The following TMTC2 variants were observed in gnomAD, a reference collection of about 807,000 sequenced individuals.
The protein encoded by TMTC2 is transmembrane O-mannosyltransferase targeting cadherins 2.
A neutral mutation model predicts 82.4 loss-of-function variants in TMTC2; 43 were observed. That is an observed-to-expected ratio of 0.52 (90% CI 0.41 to 0.67). The LOEUF is 0.67. Ranked by LOEUF, TMTC2 falls within the 30% of genes least tolerant of loss-of-function variation. TMTC2 has a pLI of 0.00. For synonymous variants in TMTC2, 408 were observed against 381.9 expected, an observed-to-expected ratio of 1.07 and a Z score of -0.80; for missense variants, 919 against 1,012.4, an observed-to-expected ratio of 0.91 and a Z score of 1.25.
rs912768921 is a variant in TMTC2, at chr12:82,930,295, A to C, written c.1484-136A>C. Reference sequence around the variant, plus strand: ...CTGGCCTGATGAAATGTTAGAGTATAAAGGAAATACATTTTCCTTCTTAAA... The same window carrying C: ...CTGGCCTGATGAAATGTTAGAGTATCAAGGAAATACATTTTCCTTCTTAAA... On this transcript the variant is annotated intron_variant, in intron 3 of 11. Transcript: ENST00000321196. The C allele has an allele frequency of 1.1e-5, 6 of 532,670 alleles. No individual in the cohort carries two copies. In the African/African-American group the frequency reaches 1.1e-4, roughly 10 times the overall value. 33.0% of individuals were successfully genotyped at this position (532,670 alleles called of 1,614,324 possible).
Position 82,834,209 on chromosome 12 carries a change from A to G in TMTC2, c.84-22801A>G, listed in dbSNP as rs184572844. Among the ~76,000 whole-genome samples, 57 of 152,358 alleles carry G rather than the reference A, an allele frequency of 3.7e-4. No individual in the cohort carries two copies. The Middle Eastern group carries it at 0.02, about 55-fold the overall frequency. On this transcript the variant is annotated intron_variant, in intron 1 of 11. Transcript: ENST00000321196. ...GACATTAATTAGTAATACAATTGTTACATGAATGTGGCAGATATCATGGAC... is the reference window on the plus strand; with the variant it reads ...GACATTAATTAGTAATACAATTGTTGCATGAATGTGGCAGATATCATGGAC...
intron 11 of TMTC2, among the ~76,000 whole-genome samples, chr12:83,117,502 T>G (rs1324702652): frequency 6.6e-6 from 1 of 152,036 alleles, no homozygotes; most frequent in Non-Finnish European, 1.5e-5. Context: ...TTATTCTGTT[T>G]CATTGATCTA....
chr12:82,770,755 C>A (rs1877250111), intron 1 of TMTC2, among the ~76,000 whole-genome samples: 1 of 152,190 alleles, frequency 6.6e-6, no homozygotes, highest in African/African-American at 2.4e-5. Context: ...TGGAGTTGCT[C>A]GGATTACACG....
chr12:83,045,476 A>G (rs1882054949), intron 9 of TMTC2, among the ~76,000 whole-genome samples: 1 of 152,192 alleles, frequency 6.6e-6, no homozygotes, highest in Admixed American at 6.5e-5. Flanking sequence ...TTTGCTGTAT[A>G]TGAAAAAGAA....
intron 4 of TMTC2, among the ~76,000 whole-genome samples, chr12:82,940,857 T>C (rs893310050): frequency 2.0e-5 from 3 of 152,142 alleles, no homozygotes; most frequent in Non-Finnish European, 2.9e-5. Flanking sequence ...AAGCCACTAA[T>C]ACTTGGCTCT....
intron 1 of TMTC2, among the ~76,000 whole-genome samples, chr12:82,763,917 A>G (rs1012823653): frequency 6.6e-6 from 1 of 152,218 alleles, no homozygotes; most frequent in Non-Finnish European, 1.5e-5. Context: ...CAGCTTAAAA[A>G]AAGAAAACCA....
chr12:82,768,246 G>A (rs1877085922), intron 1 of TMTC2, among the ~76,000 whole-genome samples: 2 of 152,216 alleles, frequency 1.3e-5, no homozygotes, highest in Admixed American at 1.3e-4. Flanking sequence ...CACTCCCTCT[G>A]CAGTTGCATC....
chr12:82,959,193 A>G (rs138248913), intron 4 of TMTC2, among the ~76,000 whole-genome samples: 1 of 152,324 alleles, frequency 6.6e-6, no homozygotes, highest in African/African-American at 2.4e-5. Context: ...CAAACTATGG[A>G]AAAACATTCC....
At chr12:83,009,143 T>C (rs1430973740) in intron 8 of TMTC2, among the ~76,000 whole-genome samples, 2 of 152,154 alleles carry the variant, frequency 1.3e-5, no homozygotes, top group African/African-American at 4.8e-5. Flanking sequence ...TACCCAAAGC[T>C]CTGGGGAAGG....
intron 2 of TMTC2, among the ~76,000 whole-genome samples, chr12:82,878,242 A>T (rs995843201): frequency 2.6e-5 from 4 of 152,194 alleles, no homozygotes; most frequent in Admixed American, 2.6e-4. Flanking sequence ...CAGAGCTGGT[A>T]TTCTTGTGGG....
At chr12:82,724,134 A>G (rs1289944648) in intron 1 of TMTC2, among the ~76,000 whole-genome samples, 1 of 152,228 alleles carries the variant, frequency 6.6e-6, no homozygotes, top group Non-Finnish European at 1.5e-5. Context: ...GTTTGAGCAT[A>G]GGGCATTGAG....
intron 4 of TMTC2, among the ~76,000 whole-genome samples, chr12:82,945,564 C>T (rs925814649): frequency 1.3e-5 from 2 of 152,090 alleles, no homozygotes; most frequent in Non-Finnish European, 2.9e-5. Context: ...CCTAAAATTA[C>T]GCTAACATGG....
At chr12:83,096,565 A>G (rs1884036602) in intron 11 of TMTC2, among the ~76,000 whole-genome samples, 1 of 152,226 alleles carries the variant, frequency 6.6e-6, no homozygotes, top group South Asian at 2.1e-4. Context: ...CACATCTTAC[A>G]TGGTGGCAGA....
chr12:82,711,763 T>C (rs1873630839), intron 1 of TMTC2, among the ~76,000 whole-genome samples: 1 of 152,212 alleles, frequency 6.6e-6, no homozygotes, highest in African/African-American at 2.4e-5. Flanking sequence ...GATAGAAGTG[T>C]GTAAATTTTG....
intron 2 of TMTC2, among the ~76,000 whole-genome samples, chr12:82,879,795 A>G (rs1796185): frequency 0.15 from 22,216 of 152,106 alleles, 4,954 homozygotes; most frequent in African/African-American, 0.48. Context: ...TACATGTAAG[A>G]CACTCTGTAA....
intron 9 of TMTC2, among the ~76,000 whole-genome samples, chr12:83,038,162 A>G (rs1019838736): frequency 2.7e-5 from 4 of 149,220 alleles, no homozygotes; most frequent in Non-Finnish European, 6.0e-5. Context: ...GGGGAGGGAT[A>G]GCATTAGGAG....
rs184136352 is a variant in TMTC2 at position 82,693,836 on chromosome 12, C to T, written c.83+6167C>T. Among the ~76,000 whole-genome samples the T allele has an allele frequency of 1.0e-3, 158 of 151,932 alleles. 1 individual carries two copies. Among genetic ancestry groups the T allele is most frequent in the Admixed American group, 4.7e-3 (71 of 15,254 alleles). ...TATAAAAATTAGCCAGGCATGGTGG[C>T]GGGTGCCTGTAACCCCCGCTACTCA... is the stretch of plus-strand genomic sequence containing the variant. On this transcript the variant is annotated intron_variant, in intron 1 of 11. Coordinates refer to ENST00000321196, the MANE Select transcript of TMTC2 (RefSeq NM_152588.3).
intron 1 of TMTC2, among the ~76,000 whole-genome samples, chr12:82,727,965 G>A (rs757942514): frequency 6.6e-6 from 1 of 152,040 alleles, no homozygotes; most frequent in Non-Finnish European, 1.5e-5. Flanking sequence ...CACTCTTGAG[G>A]TATAGTTTCA....
intron 1 of TMTC2, among the ~76,000 whole-genome samples, chr12:82,838,412 T>G (rs1870162994): frequency 6.6e-6 from 1 of 152,234 alleles, no homozygotes; most frequent in African/African-American, 2.4e-5. Context: ...AGGCTTTTAG[T>G]TGAGTGCACT....
Sources: allele counts gnomAD v4.1 joint callset (sites outside exome capture counted in the v4.1 genomes callset), GRCh38; gene constraint gnomAD v4.1.1; transcripts MANE v1.5; gene names NCBI Gene and HGNC (gene_info 2026-07-23, HGNC 2026-07-21).